SMG6: variants seen among roughly 807,000 people sequenced by gnomAD.
SMG6 encodes the protein SMG6 nonsense mediated mRNA decay factor, also known as telomerase-binding protein EST1A.
SMG6 carries 66 observed loss-of-function variants against 142.2 expected under a neutral mutation model. The ratio of observed to expected loss-of-function variants is 0.46; its 90% CI spans 0.38 to 0.57. SMG6 has a LOEUF of 0.57. Among genes scored for constraint, SMG6 ranks in the 20% least tolerant of loss-of-function variants. The pLI is 0.00. For synonymous variants in SMG6, 779 were observed against 702.4 expected (o/e 1.11, Z -1.72); for missense variants, 1,793 against 1,832.0 (o/e 0.98, Z 0.39).
At chr17:2,065,944 G>T (rs1411511458) in intron 16 of SMG6, 3 of 526,434 alleles carry the variant, frequency 5.7e-6, no homozygotes, top group Non-Finnish European at 1.0e-5. Context: ...TTCTGGAGCT[G>T]CTGTATTTAG....
At chr17:2,302,425 A>C (rs2209072) in intron 1 of SMG6, among the ~76,000 whole-genome samples, 83,324 of 151,570 alleles carry the variant, frequency 0.55, 23,924 homozygotes, top group East Asian at 0.7. Context: ...CCTACAGTCC[A>C]AGCTACTGGG....
chr17:2,079,562 G>T (rs1037801833), intron 15 of SMG6, among the ~76,000 whole-genome samples: 3 of 151,834 alleles, frequency 2.0e-5, no homozygotes, highest in Non-Finnish European at 4.4e-5. Flanking sequence ...CTTGAACCTG[G>T]GAGGTGGAGG....
At chr17:2,290,542 G>A (rs935142696) in intron 6 of SMG6, among the ~76,000 whole-genome samples, 10 of 152,166 alleles carry the variant, frequency 6.6e-5, no homozygotes, top group African/African-American at 2.4e-4. Flanking sequence ...AGCCGTGGGT[G>A]TGAAGACAAC....
At chr17:2,301,252 CAAG>C (rs2075271491) in intron 1 of SMG6, among the ~76,000 whole-genome samples, 3 of 152,290 alleles carry the variant, frequency 2.0e-5, no homozygotes, top group East Asian at 3.9e-4. Context: ...TTCTCTTCTT[CAAG>C]ATACCAATTA....
chr17:2,104,599 C>T (rs1471203157), intron 13 of SMG6, among the ~76,000 whole-genome samples: 2 of 150,936 alleles, frequency 1.3e-5, no homozygotes, highest in Non-Finnish European at 2.9e-5. Flanking sequence ...TAGCATCTTA[C>T]TTCCTCTGCA....
At chr17:2,130,660 T>C (rs2070089785) in intron 13 of SMG6, among the ~76,000 whole-genome samples, 1 of 152,072 alleles carries the variant, frequency 6.6e-6, no homozygotes, top group African/African-American at 2.4e-5. Context: ...ATATTCTTTA[T>C]GACCTCAGGG....
intron 13 of SMG6, among the ~76,000 whole-genome samples, chr17:2,125,972 T>C (rs1283478913): frequency 1.1e-5 from 1 of 93,302 alleles, no homozygotes. Flanking sequence ...AAAAAAAAAA[T>C]CATATGGAAT....
intron 13 of SMG6, among the ~76,000 whole-genome samples, chr17:2,161,798 A>C (rs1567648430): frequency 6.6e-6 from 1 of 152,186 alleles, no homozygotes; most frequent in Admixed American, 6.5e-5. Flanking sequence ...GGGCATTCCA[A>C]GATTTGAAGA....
chr17:2,286,538 T>C (rs1392874387), intron 6 of SMG6, among the ~76,000 whole-genome samples: 2 of 152,136 alleles, frequency 1.3e-5, no homozygotes, highest in African/African-American at 4.8e-5. Flanking sequence ...GCTGAGAGAA[T>C]GTAATAACCA....
intron 13 of SMG6, among the ~76,000 whole-genome samples, chr17:2,121,460 C>T (rs2151518810): frequency 6.6e-6 from 1 of 152,088 alleles, no homozygotes; most frequent in South Asian, 2.1e-4. Flanking sequence ...CAAATCTAAT[C>T]TTGGTGGAAA....
At chr17:2,269,525 C>T (rs756225193) in intron 8 of SMG6, among the ~76,000 whole-genome samples, 2 of 151,882 alleles carry the variant, frequency 1.3e-5, no homozygotes, top group Non-Finnish European at 2.9e-5. Context: ...TTCTGTGCTA[C>T]AGGCCACCTG....
chr17:2,196,154 C>G (rs1230363211), intron 10 of SMG6, among the ~76,000 whole-genome samples: 3 of 152,184 alleles, frequency 2.0e-5, no homozygotes, highest in Non-Finnish European at 2.9e-5. Flanking sequence ...GGCATGGTGA[C>G]TCAACGCCTG....
At chr17:2,131,834 G>A (rs1017184855) in intron 13 of SMG6, among the ~76,000 whole-genome samples, 2 of 152,136 alleles carry the variant, frequency 1.3e-5, no homozygotes, top group African/African-American at 2.4e-5. Context: ...CACTTTAGGA[G>A]GCCAAGGCAG....
intron 12 of SMG6, among the ~76,000 whole-genome samples, chr17:2,185,426 T>G (rs187948944): frequency 6.6e-6 from 1 of 152,184 alleles, no homozygotes; most frequent in East Asian, 1.9e-4. Context: ...CACAACACTC[T>G]GTAAATGTAA....
At chr17:2,209,829 A>T (rs1407959531) in intron 10 of SMG6, among the ~76,000 whole-genome samples, 1 of 152,186 alleles carries the variant, frequency 6.6e-6, no homozygotes, top group Non-Finnish European at 1.5e-5. Context: ...AAATATATGT[A>T]TACAAAAGTG....
At chr17:2,087,318 T>C in intron 13 of SMG6, 7 of 1,227,102 alleles carry the variant, frequency 5.7e-6, no homozygotes, top group Non-Finnish European at 7.3e-6. Context: ...TGGAAATAAA[T>C]GAGCACCGCT....
chr17:2,226,248 C>T (rs932629851), intron 10 of SMG6, among the ~76,000 whole-genome samples: 1 of 147,684 alleles, frequency 6.8e-6, no homozygotes, highest in Non-Finnish European at 1.5e-5. Flanking sequence ...GCACTCCAGC[C>T]TAGGAAACAA....
intron 17 of SMG6, 40 bp from the exon 18 acceptor site, chr17:2,065,194 G>C (rs1223086367): frequency 1.3e-6 from 2 of 1,531,520 alleles, no homozygotes; most frequent in South Asian, 2.3e-5. Context: ...CTGGGCAGAA[G>C]GGGGCGCCAT....
chr17:2,096,255 G>A (rs1383178913), intron 13 of SMG6, among the ~76,000 whole-genome samples: 2 of 152,144 alleles, frequency 1.3e-5, no homozygotes, highest in African/African-American at 4.8e-5. Flanking sequence ...CCAGGCTGGA[G>A]TGCAGTGGCG....
Sources: allele counts gnomAD v4.1 joint callset (sites outside exome capture counted in the v4.1 genomes callset), GRCh38; gene constraint gnomAD v4.1.1; transcripts MANE v1.5; gene names NCBI Gene and HGNC (gene_info 2026-07-23, HGNC 2026-07-21).